The following GRM8 variants were observed in gnomAD, a reference collection of about 807,000 sequenced individuals.
The protein encoded by GRM8 is glutamate metabotropic receptor 8.
In GRM8, 47 loss-of-function variants were observed where a neutral mutation model predicts 87.2. The observed-to-expected ratio is 0.54, with a 90% CI of 0.43 to 0.69. The LOEUF (loss-of-function observed/expected upper bound fraction) is 0.69, where lower values mean the gene tolerates loss of function less well. Ranked by LOEUF, GRM8 falls within the 30% of genes least tolerant of loss-of-function variation. GRM8 has a pLI of 0.00. For missense variants in GRM8, 1,019 were observed against 1,139.2 expected, an observed-to-expected ratio of 0.89 and a Z score of 1.52; for synonymous variants, 396 against 404.5, an observed-to-expected ratio of 0.98 and a Z score of 0.25.
intron 8 of GRM8, among the ~76,000 whole-genome samples, chr7:126,569,428 G>T (rs1794510617): frequency 6.6e-6 from 1 of 152,020 alleles, no homozygotes; most frequent in South Asian, 2.1e-4. Flanking sequence ...TCTTCAAAAA[G>T]AAACAAAAAT....
At chr7:126,800,620 T>A (rs560161346) in intron 6 of GRM8, among the ~76,000 whole-genome samples, 33 of 152,262 alleles carry the variant, frequency 2.2e-4, no homozygotes, top group African/African-American at 7.9e-4. Flanking sequence ...TCAAAGAATA[T>A]CCAGCCCTCT....
intron 8 of GRM8, among the ~76,000 whole-genome samples, chr7:126,555,664 G>A (rs1018078734): frequency 2.0e-5 from 3 of 152,212 alleles, no homozygotes; most frequent in African/African-American, 7.2e-5. Flanking sequence ...CTTCAGATCA[G>A]TAAATGAAGC....
At chr7:126,975,426 G>A (rs911464260) in intron 3 of GRM8, among the ~76,000 whole-genome samples, 16 of 152,218 alleles carry the variant, frequency 1.1e-4, no homozygotes, top group African/African-American at 3.6e-4. Flanking sequence ...TTACCAGGAC[G>A]TGGCCCTAGT....
chr7:127,231,220 T>C (rs1253805179), intron 2 of GRM8, among the ~76,000 whole-genome samples: 1 of 152,112 alleles, frequency 6.6e-6, no homozygotes, highest in African/African-American at 2.4e-5. Flanking sequence ...CTAGCATCTC[T>C]TACACTATTC....
chr7:126,707,563 C>A (rs368071807), intron 7 of GRM8, among the ~76,000 whole-genome samples: 1 of 152,072 alleles, frequency 6.6e-6, no homozygotes, highest in Admixed American at 6.6e-5. Context: ...AGAGTTTCAA[C>A]GCATTAAAGG....
chr7:126,958,520 G>C (rs375604740), intron 3 of GRM8, among the ~76,000 whole-genome samples: 1 of 152,170 alleles, frequency 6.6e-6, no homozygotes, highest in Admixed American at 6.5e-5. Context: ...GGCAGCCAGC[G>C]CGCCTGGCTG....
At chr7:127,226,258 T>G (rs946525911) in intron 2 of GRM8, among the ~76,000 whole-genome samples, 4 of 152,144 alleles carry the variant, frequency 2.6e-5, no homozygotes, top group African/African-American at 9.7e-5. Flanking sequence ...CCCCAGCCCA[T>G]GATATAACAA....
chr7:126,954,102 C>G (rs192530808), intron 3 of GRM8, among the ~76,000 whole-genome samples: 83 of 152,276 alleles, frequency 5.5e-4, no homozygotes, highest in Middle Eastern at 6.8e-3. Flanking sequence ...TTCCCTGCCT[C>G]TACTTCTCTT....
chr7:126,535,223 C>T (rs1479133272), intron 8 of GRM8, among the ~76,000 whole-genome samples: 2 of 152,180 alleles, frequency 1.3e-5, no homozygotes, highest in African/African-American at 4.8e-5. Context: ...TAGGGCTAGT[C>T]TGTGTAAACA....
chr7:126,635,414 AT>A (rs1801758455), intron 7 of GRM8, among the ~76,000 whole-genome samples: 1 of 152,114 alleles, frequency 6.6e-6, no homozygotes, highest in Non-Finnish European at 1.5e-5. Flanking sequence ...AACTCTAAAA[AT>A]ATATATTAAT....
chr7:127,113,174 C>T (rs1826484994), intron 2 of GRM8, among the ~76,000 whole-genome samples: 1 of 152,186 alleles, frequency 6.6e-6, no homozygotes, highest in Non-Finnish European at 1.5e-5. Flanking sequence ...TTTCCCACTG[C>T]TTGCACATCA....
At chr7:126,617,127 A>C (rs62477896) in intron 7 of GRM8, among the ~76,000 whole-genome samples, 1 of 152,160 alleles carries the variant, frequency 6.6e-6, no homozygotes, top group Admixed American at 6.5e-5. Flanking sequence ...AAAATTCTCA[A>C]TAAAATACTG....
chr7:126,985,353 C>T (rs997778909), intron 3 of GRM8, among the ~76,000 whole-genome samples: 4 of 152,006 alleles, frequency 2.6e-5, no homozygotes, highest in Admixed American at 6.6e-5. Flanking sequence ...TTAATAACTT[C>T]GCCACTGGAC....
chr7:126,623,631 C>A (rs1800395086), intron 7 of GRM8, among the ~76,000 whole-genome samples: 1 of 152,168 alleles, frequency 6.6e-6, no homozygotes, highest in Non-Finnish European at 1.5e-5. Context: ...CTCATCTGGC[C>A]TCCTCTTCAA....
chr7:127,080,041 A>G (rs533969760), intron 3 of GRM8, among the ~76,000 whole-genome samples: 30 of 152,322 alleles, frequency 2.0e-4, no homozygotes, highest in Non-Finnish European at 3.1e-4. Context: ...CTGCAAAGGA[A>G]AATTAAGGTT....
intron 9 of GRM8, among the ~76,000 whole-genome samples, chr7:126,489,745 A>G (rs1807786098): frequency 6.6e-6 from 1 of 152,078 alleles, no homozygotes; most frequent in Admixed American, 6.6e-5. Flanking sequence ...ATGCCCAGAT[A>G]GCTGGTAAAA....
intron 7 of GRM8, among the ~76,000 whole-genome samples, chr7:126,722,925 T>C (rs990943084): frequency 7.2e-6 from 1 of 138,914 alleles, no homozygotes; most frequent in African/African-American, 2.9e-5. Context: ...TAATATGTTA[T>C]ATATAATATA....
chr7:127,017,626 A>T (rs1364090337), intron 3 of GRM8, among the ~76,000 whole-genome samples: 4 of 152,062 alleles, frequency 2.6e-5, no homozygotes, highest in African/African-American at 9.7e-5. Flanking sequence ...GAGCTGATGC[A>T]TGTCATTTGG....
intron 3 of GRM8, among the ~76,000 whole-genome samples, chr7:127,004,529 C>T (rs1279883320): frequency 1.3e-5 from 2 of 151,514 alleles, no homozygotes; most frequent in South Asian, 2.1e-4. Context: ...CAAAGCTTCA[C>T]CGATATTGAG....
Sources: allele counts gnomAD v4.1 joint callset (sites outside exome capture counted in the v4.1 genomes callset), GRCh38; gene constraint gnomAD v4.1.1; transcripts MANE v1.5; gene names NCBI Gene and HGNC (gene_info 2026-07-23, HGNC 2026-07-21).